PCYT1B: variants seen among roughly 807,000 people sequenced by gnomAD.
PCYT1B encodes phosphate cytidylyltransferase 1B, choline.
Under a neutral mutation model 26.4 loss-of-function variants are expected in PCYT1B, and 10 were observed. That is an observed-to-expected ratio of 0.38 (90% confidence interval 0.23 to 0.64). PCYT1B has a LOEUF of 0.64. Ranked by LOEUF, PCYT1B falls within the 30% of genes least tolerant of loss-of-function variation. The pLI is 0.56. For synonymous variants in PCYT1B, 131 were observed against 108.4 expected (o/e 1.21, Z -1.29); for missense variants, 161 against 292.7 (o/e 0.55, Z 3.28).
At chrX:24,610,166 C>T (rs1453094550) in intron 2 of PCYT1B, among the ~76,000 whole-genome samples, 2 of 111,281 alleles carry the variant, frequency 1.8e-5, no homozygotes, top group Non-Finnish European at 3.8e-5. Context: ...TCAATGCCAA[C>T]TTCTGTTAAA....
At chrX:24,570,234 T>C (rs778461088) in intron 7 of PCYT1B, among the ~76,000 whole-genome samples, 18 of 108,951 alleles carry the variant, frequency 1.7e-4, no homozygotes, top group Non-Finnish European at 2.5e-4. Flanking sequence ...TTTATGTTTA[T>C]GAATATATGA....
At position 24,640,633 on chromosome X, in the gene PCYT1B, G is replaced by T. The variant is rs554738226; in HGVS notation, c.117+6356C>A. On this transcript the variant is annotated intron_variant, in intron 1 of 7. Transcript: ENST00000379144. ...AGCCCTGTAGTGGGATTATCCTGAG[G>T]CACTCTTCCTAGGTAACCATCTCCA... is the stretch of plus-strand genomic sequence containing the variant. 5.0e-4 allele frequency among the ~76,000 whole-genome samples: 56 copies of T among 111,273 alleles called. 1 individual carries two copies. In the South Asian group the frequency reaches 0.021, roughly 41 times the overall value.
chrX:24,598,752 A>G (rs760783542), intron 3 of PCYT1B, among the ~76,000 whole-genome samples: 2 of 111,636 alleles, frequency 1.8e-5, no homozygotes, highest in Non-Finnish European at 3.8e-5. Flanking sequence ...AGTGTTTTTT[A>G]TAAAGCTTCT....
chrX:24,575,802 A>G (rs1218490358), intron 6 of PCYT1B, among the ~76,000 whole-genome samples: 1 of 112,199 alleles, frequency 8.9e-6, no homozygotes, highest in Admixed American at 9.5e-5. Flanking sequence ...GGGCCTTAGA[A>G]CCTATGTGTT....
intron 6 of PCYT1B, among the ~76,000 whole-genome samples, chrX:24,576,668 C>T (rs17265665): frequency 0.039 from 4,376 of 111,240 alleles, 134 homozygotes; most frequent in South Asian, 0.24. Context: ...TCCTTGATTT[C>T]GACCTTCCAA....
intron 1 of PCYT1B, among the ~76,000 whole-genome samples, chrX:24,669,719 T>C (rs1206937006): frequency 1.8e-5 from 2 of 109,528 alleles, no homozygotes; most frequent in Non-Finnish European, 3.8e-5. Flanking sequence ...ACAATTAACC[T>C]CTGTGAGCTT....
At chrX:24,566,032 A>C (rs1923617304) in intron 7 of PCYT1B, among the ~76,000 whole-genome samples, 1 of 112,096 alleles carries the variant, frequency 8.9e-6, no homozygotes, top group Non-Finnish European at 1.9e-5. Context: ...TGGCTGAAAT[A>C]AGATACATTT....
intron 1 of PCYT1B, among the ~76,000 whole-genome samples, chrX:24,656,129 C>CAAAAAAA (rs34397973): frequency 1.7e-4 from 1 of 5,923 alleles, no homozygotes; most frequent in East Asian, 6.2e-3. Flanking sequence ...AACTCCATCT[C>CAAAAAAA]AAAAAAAAAA....
At chrX:24,593,466 TTTTCTTTTCTTTTCTTTTCTTTTCTTTTC>T in intron 3 of PCYT1B, among the ~76,000 whole-genome samples, 1 of 20,489 alleles carries the variant, frequency 4.9e-5, no homozygotes, top group Admixed American at 6.7e-4. Flanking sequence ...TTTTCTTTTC[TTTTCTTTTCTTTTCTTTTCTTTTCTTTTC>T]TTTTCTTTTC....
At chrX:24,611,760 T>A (rs1925315336) in intron 2 of PCYT1B, among the ~76,000 whole-genome samples, 1 of 110,512 alleles carries the variant, frequency 9.0e-6, no homozygotes, top group South Asian at 3.8e-4. Context: ...TTACCTGAGG[T>A]CAGAAGTTTG....
intron 2 of PCYT1B, among the ~76,000 whole-genome samples, chrX:24,614,885 C>A (rs2148251225): frequency 8.9e-6 from 1 of 112,561 alleles, no homozygotes; most frequent in East Asian, 2.8e-4. Context: ...CTCCTTCTAA[C>A]CACTGCCGAC....
At chrX:24,596,002 C>A in intron 3 of PCYT1B, among the ~76,000 whole-genome samples, 1 of 111,547 alleles carries the variant, frequency 9.0e-6, no homozygotes, top group Middle Eastern at 4.6e-3. Context: ...GTGGAGTAAT[C>A]TTTATGTCTT....
chrX:24,589,190 C>G (rs1924472145), intron 4 of PCYT1B, among the ~76,000 whole-genome samples: 1 of 111,734 alleles, frequency 8.9e-6, no homozygotes, highest in Non-Finnish European at 1.9e-5. Context: ...TTTCCTTTTT[C>G]TTTTTATTCT....
upstream of PCYT1B, among the ~76,000 whole-genome samples, chrX:24,651,465 AAAAAAAAAT>A (rs1299615163): frequency 1.4e-4 from 4 of 28,251 alleles, no homozygotes; most frequent in African/African-American, 4.7e-4. Flanking sequence ...AAAAAAAAAA[AAAAAAAAAT>A]ATATATATAT....
At chrX:24,597,878 T>A (rs1784430640) in intron 3 of PCYT1B, among the ~76,000 whole-genome samples, 1 of 112,427 alleles carries the variant, frequency 8.9e-6, no homozygotes, top group Admixed American at 9.4e-5. Flanking sequence ...AAAGGAGCAT[T>A]GGAAAGAAAT....
intron 3 of PCYT1B, among the ~76,000 whole-genome samples, chrX:24,600,256 G>A (rs1317871524): frequency 1.8e-5 from 2 of 111,096 alleles, no homozygotes; most frequent in African/African-American, 6.5e-5. Flanking sequence ...TTCCAGTCTG[G>A]TAGGTAAGGA....
At chrX:24,610,835 G>A (rs1468847136) in intron 2 of PCYT1B, among the ~76,000 whole-genome samples, 1 of 110,557 alleles carries the variant, frequency 9.0e-6, no homozygotes, top group African/African-American at 3.3e-5. Context: ...TAAACTTCAA[G>A]GCAAAAAAGA....
chrX:24,656,223 G>A (rs913907992), intron 1 of PCYT1B, among the ~76,000 whole-genome samples: 5 of 68,361 alleles, frequency 7.3e-5, no homozygotes, highest in Non-Finnish European at 1.4e-4. Flanking sequence ...TTATTGCAGG[G>A]GGTCGCGGGG....
intron 6 of PCYT1B, among the ~76,000 whole-genome samples, chrX:24,575,537 A>G (rs771952642): frequency 8.5e-4 from 96 of 112,661 alleles, no homozygotes; most frequent in African/African-American, 3.0e-3. Context: ...TGTAAAGGGA[A>G]CTACAAGTGG....
Sources: allele counts gnomAD v4.1 joint callset (sites outside exome capture counted in the v4.1 genomes callset), GRCh38; gene constraint gnomAD v4.1.1; transcripts MANE v1.5; gene names NCBI Gene and HGNC (gene_info 2026-07-23, HGNC 2026-07-21).